TRAPPC9: variants seen among roughly 807,000 people sequenced by gnomAD.
TRAPPC9 encodes trafficking protein particle complex subunit 9.
TRAPPC9 carries 83 observed loss-of-function variants against 124.0 expected under a neutral mutation model. The ratio of observed to expected loss-of-function variants is 0.67; its 90% CI spans 0.56 to 0.80. The LOEUF (loss-of-function observed/expected upper bound fraction) is 0.80, where lower values mean the gene tolerates loss of function less well. Among genes scored for constraint, TRAPPC9 ranks in the 30% least tolerant of loss-of-function variants. The pLI is 0.00. For missense variants in TRAPPC9, 1,302 were observed against 1,508.3 expected, an observed-to-expected ratio of 0.86 and a Z score of 2.27; for synonymous variants, 638 against 617.5, an observed-to-expected ratio of 1.03 and a Z score of -0.49.
At chr8:139,891,947 C>A (rs990427831) in intron 20 of TRAPPC9, among the ~76,000 whole-genome samples, 1 of 152,228 alleles carries the variant, frequency 6.6e-6, no homozygotes, top group East Asian at 1.9e-4. Flanking sequence ...ACATGGCAGC[C>A]CACTCTGCCC....
At chr8:140,052,116 G>A (rs1842036845) in intron 17 of TRAPPC9, among the ~76,000 whole-genome samples, 3 of 151,946 alleles carry the variant, frequency 2.0e-5, no homozygotes, top group Non-Finnish European at 4.4e-5. Flanking sequence ...AAAGAGGGGT[G>A]CGGCCTTCTG....
intron 21 of TRAPPC9, among the ~76,000 whole-genome samples, chr8:139,851,677 G>A (rs1298753875): frequency 6.6e-6 from 1 of 152,174 alleles, no homozygotes; most frequent in South Asian, 2.1e-4. Context: ...GAAATGAGTC[G>A]GGAAGGGGAA....
intron 19 of TRAPPC9, among the ~76,000 whole-genome samples, chr8:139,920,989 A>ACCTG (rs1832467056): frequency 6.6e-6 from 1 of 151,228 alleles, no homozygotes; most frequent in East Asian, 2.0e-4. Context: ...TGCATCCCAC[A>ACCTG]CCTGCCGTAA....
intron 19 of TRAPPC9, among the ~76,000 whole-genome samples, chr8:139,943,878 G>C (rs1470119643): frequency 6.6e-6 from 1 of 152,036 alleles, no homozygotes; most frequent in East Asian, 1.9e-4. Context: ...AATGAAACAT[G>C]AGCAGCTAGG....
Position 139,984,320 on chromosome 8 carries a change from T to C in TRAPPC9, c.2810+4406A>G, listed in dbSNP as rs1203733807. Among the ~76,000 whole-genome samples the C allele has an allele frequency of 6.6e-6, 1 of 152,330 alleles. No individual in the cohort carries two copies. The highest frequency in any genetic ancestry group is 2.4e-5 in the African/African-American group (1 of 41,582). Reference sequence around the variant, plus strand: ...CAGTGAGAGCACCACCTTCCGCTCCTGCTGGTAGCGATGAAGCTGGAGTCT... The same window carrying C: ...CAGTGAGAGCACCACCTTCCGCTCCCGCTGGTAGCGATGAAGCTGGAGTCT... On this transcript the variant is annotated intron_variant, in intron 19 of 22. Transcript: ENST00000438773. This position sits in a 1 kb window ranked among gnomAD's most constrained non-coding sequence, Gnocchi z 4.3.
At chr8:139,857,900 T>C (rs1827899248) in intron 21 of TRAPPC9, among the ~76,000 whole-genome samples, 2 of 152,224 alleles carry the variant, frequency 1.3e-5, no homozygotes, top group African/African-American at 4.8e-5. Context: ...TGTCCCCATC[T>C]CTAGCACTTG....
At chr8:139,781,623 C>T (rs886924398) in intron 21 of TRAPPC9, among the ~76,000 whole-genome samples, 13 of 152,088 alleles carry the variant, frequency 8.5e-5, no homozygotes, top group Admixed American at 8.5e-4. Flanking sequence ...AACTGAACTT[C>T]GGTTGATATT....
intron 17 of TRAPPC9, among the ~76,000 whole-genome samples, chr8:140,156,534 A>G (rs563158011): frequency 1.0e-3 from 155 of 152,356 alleles, no homozygotes; most frequent in African/African-American, 3.5e-3. Flanking sequence ...GAGAAAGACC[A>G]CATGATTCCT....
At chr8:139,782,240 C>T (rs1400928759) in intron 21 of TRAPPC9, among the ~76,000 whole-genome samples, 1 of 151,906 alleles carries the variant, frequency 6.6e-6, no homozygotes, top group Non-Finnish European at 1.5e-5. Flanking sequence ...ATTAGCCAGG[C>T]GTGGTGGCAT....
intron 21 of TRAPPC9, among the ~76,000 whole-genome samples, chr8:139,854,004 T>C (rs1326812784): frequency 6.6e-6 from 1 of 152,240 alleles, no homozygotes; most frequent in African/African-American, 2.4e-5. Context: ...ATGGTTTAAT[T>C]TTGTTTTAAT....
upstream of TRAPPC9, among the ~76,000 whole-genome samples, chr8:140,458,005 G>A (rs1564040151): frequency 7.3e-6 from 1 of 136,080 alleles, no homozygotes; most frequent in East Asian, 2.1e-4. Flanking sequence ...GACGGGGAGG[G>A]AGGAGGAGGA....
chr8:140,433,228 G>A (rs975694848), intron 4 of TRAPPC9, among the ~76,000 whole-genome samples: 4 of 151,746 alleles, frequency 2.6e-5, no homozygotes, highest in Non-Finnish European at 5.9e-5. Flanking sequence ...GGAGGCAGAG[G>A]TTATAGTGAG....
chr8:140,223,270 G>A (rs563556162), intron 16 of TRAPPC9, among the ~76,000 whole-genome samples: 1 of 152,288 alleles, frequency 6.6e-6, no homozygotes, highest in African/African-American at 2.4e-5. Flanking sequence ...AACATGCGGT[G>A]TTTGGTTTTC....
At chr8:140,383,715 T>C (rs1225414081) in intron 7 of TRAPPC9, among the ~76,000 whole-genome samples, 2 of 152,050 alleles carry the variant, frequency 1.3e-5, no homozygotes, top group African/African-American at 4.8e-5. Flanking sequence ...ACAGGGAGAA[T>C]GGAACCAAGT....
At chr8:140,270,663 G>T (rs954738794) in intron 15 of TRAPPC9, among the ~76,000 whole-genome samples, 1 of 152,204 alleles carries the variant, frequency 6.6e-6, no homozygotes, top group African/African-American at 2.4e-5. Flanking sequence ...TCCAGAAAGG[G>T]CAGCCAAGCC....
intron 15 of TRAPPC9, among the ~76,000 whole-genome samples, chr8:140,270,448 C>G (rs1206580646): frequency 1.3e-5 from 2 of 152,236 alleles, no homozygotes; most frequent in Non-Finnish European, 2.9e-5. Context: ...TCACCAATTA[C>G]TCGGTACTGA....
chr8:139,761,231 G>A (rs1820197042), intron 21 of TRAPPC9, among the ~76,000 whole-genome samples: 1 of 152,172 alleles, frequency 6.6e-6, no homozygotes, highest in African/African-American at 2.4e-5. Context: ...AAAGGCTGGG[G>A]GAGAAACAGA....
intron 19 of TRAPPC9, among the ~76,000 whole-genome samples, chr8:139,939,556 CCT>C (rs1284743452): frequency 6.6e-6 from 1 of 152,060 alleles, no homozygotes; most frequent in African/African-American, 2.4e-5. Flanking sequence ...CACAAAGGCT[CCT>C]GTTTGAAGCT....
chr8:139,781,493 G>C lies in TRAPPC9; in HGVS notation c.3056-49291C>G, dbSNP rs139564578. Among the ~76,000 whole-genome samples, 27 of 152,338 alleles carry C rather than the reference G, an allele frequency of 1.8e-4. No individual in the cohort carries two copies. In the East Asian group the frequency reaches 5.2e-3, roughly 29 times the overall value. ...GTACAAAGAAGGATAAACAGGCAGA[G>C]AATAGAGGACATTTAGGGCAATACA... is the stretch of plus-strand genomic sequence containing the variant. On this transcript the variant is annotated intron_variant, in intron 21 of 22. Transcript: ENST00000438773.
Sources: allele counts gnomAD v4.1 joint callset (sites outside exome capture counted in the v4.1 genomes callset), GRCh38; gene constraint gnomAD v4.1.1; non-coding constraint Gnocchi (gnomAD v3.1); transcripts MANE v1.5; gene names NCBI Gene and HGNC (gene_info 2026-07-23, HGNC 2026-07-21).